NSMF: variants seen among roughly 807,000 people sequenced by gnomAD.
NSMF encodes NMDA receptor synaptonuclear signaling and neuronal migration factor, also known as nasal embryonic LHRH factor.
Under a neutral mutation model 71.0 loss-of-function variants are expected in NSMF, and 31 were observed. The observed-to-expected ratio is 0.44, with a 90% confidence interval of 0.33 to 0.59. The LOEUF (loss-of-function observed/expected upper bound fraction) is 0.59. NSMF is among the 20% of genes least tolerant of loss of function. NSMF has a pLI of 0.04. For synonymous variants in NSMF, 345 were observed against 287.1 expected, an observed-to-expected ratio of 1.20 and a Z score of -2.04; for missense variants, 673 against 740.5, an observed-to-expected ratio of 0.91 and a Z score of 1.06.
intron 14 of NSMF, 50 bp from the exon 15 acceptor site, chr9:137,449,724 G>A: frequency 6.6e-7 from 1 of 1,521,408 alleles, no homozygotes; most frequent in South Asian, 1.1e-5. Context: ...TGGGGAAGGA[G>A]GAGCGGGGAG....
At chr9:137,458,976 C>T (rs1831032392) in intron 1 of NSMF, 56 bp downstream of exon 1, 2 of 1,227,968 alleles carry the variant, frequency 1.6e-6, no homozygotes, top group Non-Finnish European at 2.1e-6. Flanking sequence ...GGGGCGGACT[C>T]GGGCGGGGTC....
rs762284135 is a variant in NSMF at position 137,449,502 on chromosome 9, C to G, written c.1496-11G>C. 6.2e-7 allele frequency: 1 copy of G among 1,612,568 alleles called. No homozygotes were observed. Among genetic ancestry groups the G allele is most frequent in the South Asian group, 1.1e-5 (1 of 91,066 alleles). ...CGATCATCTGCTTCCCTGGGCGGAG[C>G]GGGGGCAGGAGGCTCAGGCCTGGCC... is the stretch of plus-strand genomic sequence containing the variant. On this transcript the variant is annotated splice_polypyrimidine_tract_variant and intron_variant, in intron 15 of 15. Transcript: ENST00000371475.
intron 6 of NSMF, chr9:137,454,932 C>T (rs1400301699): frequency 8.6e-6 from 6 of 696,528 alleles, no homozygotes; most frequent in Admixed American, 2.2e-5. Context: ...CTGCCAAGGC[C>T]CAACATCCAA....
In NSMF at chr9:137,452,591, G is replaced by A; in HGVS notation, c.1132-5C>T. 8 of 1,612,674 alleles carry A rather than the reference G, an allele frequency of 5.0e-6. No homozygotes were observed. The highest frequency in any genetic ancestry group is 6.8e-6 in the Non-Finnish European group (8 of 1,179,950). ...GAAGGTTGCGTGCTCATGGTCCTGG[G>A]GACAGACACAGGCCACAAGGCCACA... is the stretch of plus-strand genomic sequence containing the variant. On this transcript the variant is annotated splice_polypyrimidine_tract_variant and splice_region_variant and intron_variant, in intron 10 of 15. Transcript: ENST00000371475.
chr9:137,453,458 G>A lies in NSMF; in HGVS notation c.922+273C>T. On this transcript the variant is annotated intron_variant, in intron 8 of 15. Transcript: ENST00000371475. This position sits in a 1 kb window ranked among gnomAD's most constrained non-coding sequence, Gnocchi z 4.5. ...CCGCCGGGCGCCTGGGAGGGAGTGG[G>A]GGCGGGCACCGCAGCCCCCTGCCCC... 1.7e-6 allele frequency: 1 copy of A among 602,692 alleles called. No individual in the cohort carries two copies. The highest frequency in any genetic ancestry group is 2.8e-5 in the East Asian group (1 of 35,616). The allele number at this position is 602,692 out of a possible 1,614,324, so 37.3% of individuals were successfully genotyped here.
In NSMF at chr9:137,449,098, G is replaced by A; in HGVS notation, c.*296C>T. 1.8e-6 allele frequency: 1 copy of A among 554,750 alleles called. No homozygotes were observed. Among genetic ancestry groups the A allele is most frequent in the Non-Finnish European group, 3.3e-6 (1 of 306,952 alleles). The allele number at this position is 554,750 out of a possible 1,614,324, so 34.4% of individuals were successfully genotyped here. ...TGCACTTATTTCTATGAACCCCATGGAGGGATGCCCACAGCTGAGCCTCCA... is the reference window on the plus strand; with the variant it reads ...TGCACTTATTTCTATGAACCCCATGAAGGGATGCCCACAGCTGAGCCTCCA... On this transcript the variant is annotated 3_prime_UTR_variant, in exon 16 of 16. Coordinates refer to ENST00000371475, the MANE Select transcript of NSMF (RefSeq NM_001130969.3).
At chr9:137,458,039 G>A in intron 2 of NSMF, 138 bp from the exon 3 acceptor site, 3 of 1,273,076 alleles carry the variant, frequency 2.4e-6, no homozygotes, top group Middle Eastern at 2.6e-4. Flanking sequence ...CCTAGTCACT[G>A]GCGTGTTTCT....
In NSMF at chr9:137,457,447, GCGGCGA is replaced by G. The variant is rs1278236396; in HGVS notation, c.582_587del (p.Arg195_Arg196del). The stretch of plus-strand genomic sequence containing the variant: ...CGCTGTACATCCTCTCCAGCTTCTT[GCGGCGA>G]CCGGAGGTCTCAGGCAGAGGTGGCT... On this transcript the variant is annotated inframe_deletion, in exon 3 of 16. Coordinates refer to ENST00000371475, the MANE Select transcript of NSMF (RefSeq NM_001130969.3). 3 of 1,612,890 alleles carry G rather than the reference GCGGCGA, an allele frequency of 1.9e-6. No individual in the cohort carries two copies. The South Asian group carries it at 3.3e-5, about 18-fold the overall frequency.
chr9:137,456,002 G>C (rs573503743), intron 4 of NSMF, among the ~76,000 whole-genome samples: 1 of 152,392 alleles, frequency 6.6e-6, no homozygotes, highest in East Asian at 1.9e-4. Flanking sequence ...TGTCAAGACA[G>C]AGAGGAGCAG....
rs1830639442 is a variant in NSMF at position 137,453,301 on chromosome 9, G to A, written c.923-121C>T. 6 of 1,440,730 alleles carry A rather than the reference G, an allele frequency of 4.2e-6. No homozygotes were observed. In the East Asian group the frequency reaches 9.7e-5, roughly 23 times the overall value. The allele number at this position is 1,440,730 out of a possible 1,614,324, so 89.2% of individuals were successfully genotyped here. ...GGAGGGTCCTCCAAGCAAGTGGGAG[G>A]ACCATACAGAGGTCGCCGCCAGCCC... is the stretch of plus-strand genomic sequence containing the variant. On this transcript the variant is annotated intron_variant, in intron 8 of 15. Transcript: ENST00000371475. The surrounding 1 kb of genome is among the most constrained non-coding windows in gnomAD (Gnocchi z 4.5).
intron 2 of NSMF, among the ~76,000 whole-genome samples, chr9:137,458,283 C>A (rs978059149): frequency 6.6e-6 from 1 of 152,136 alleles, no homozygotes; most frequent in East Asian, 1.9e-4. Context: ...ACGGCCCAGG[C>A]GGGGTGGGTG....
rs1194207101 is a variant in NSMF at position 137,453,852 on chromosome 9, G to A, written c.833-32C>T. 5.2e-6 allele frequency: 8 copies of A among 1,544,130 alleles called. No homozygotes were observed. Among genetic ancestry groups the A allele is most frequent in the Non-Finnish European group, 7.0e-6 (8 of 1,148,314 alleles). ...AGAGCAAAACCCGCATTAGCGAGCG[G>A]GTGGGGCGGGGCCTCGGGAGTCTCA... On this transcript the variant is annotated intron_variant, in intron 7 of 15. Coordinates refer to ENST00000371475, the MANE Select transcript of NSMF (RefSeq NM_001130969.3). The surrounding 1 kb of genome is among the most constrained non-coding windows in gnomAD (Gnocchi z 4.5).
chr9:137,449,821 G>C (rs572240266), intron 14 of NSMF, 102 bp downstream of exon 14: 3 of 1,330,384 alleles, frequency 2.3e-6, no homozygotes, highest in South Asian at 1.2e-5. Context: ...GGGAATGCCC[G>C]GGGGAAGGAA....
At chr9:137,450,062 C>CA in intron 13 of NSMF, 37 bp from the exon 14 acceptor site, 1 of 1,594,630 alleles carries the variant, frequency 6.3e-7, no homozygotes, top group Non-Finnish European at 8.6e-7. Context: ...TGGCAGGGGA[C>CA]AGGCACCCCA....
rs1039188213 is a variant in NSMF at position 137,459,191 on chromosome 9, C to CGCTCGG, written c.-95_-90dup. 1.0e-5 allele frequency: 10 copies of CGCTCGG among 981,754 alleles called. No homozygotes were observed. The highest frequency in any genetic ancestry group is 1.3e-5 in the Non-Finnish European group (10 of 798,418). The allele number at this position is 981,754 out of a possible 1,614,324, so 60.8% of individuals were successfully genotyped here. A position where few individuals can be genotyped will look rare whatever the true frequency, so the allele number is the denominator to read the frequency against. ...GGTAGCCGCGCCGCACCGGGGGTCGCGCTCGGGCTCGGGCTCGGGGTCTCG... is the reference window on the plus strand; with the variant it reads ...GGTAGCCGCGCCGCACCGGGGGTCGCGCTCGGGCTCGGGCTCGGGCTCGGGGTCTCG... On this transcript the variant is annotated 5_prime_UTR_variant, in exon 1 of 16. Coordinates refer to ENST00000371475, the MANE Select transcript of NSMF (RefSeq NM_001130969.3).
rs778511603 is a variant in NSMF, at chr9:137,457,604, C to T, written c.431G>A (p.Gly144Asp). The stretch of plus-strand genomic sequence containing the variant: ...CCTGCTGACGTCCTCCCGGCTGCCA[C>T]CAGGGCTGGCGCGCAGGGGCTGGCT... ...HHSQPLRASP[G>D]GSREDVSRPC... The change falls in exon 3 of 16, where the codon GGT becomes GAT. Residue 144 changes from glycine to aspartate, a missense_variant. By Grantham distance (94) the Gly-to-Asp change is moderately conservative. Around this residue, in one of 2 missense-constraint regions of NSMF, gnomAD observed 471 missense variants for 459.6 expected, o/e 1.02. Coordinates refer to ENST00000371475, the MANE Select transcript of NSMF (RefSeq NM_001130969.3). The T allele has an allele frequency of 3.2e-6, 5 of 1,554,874 alleles. No homozygotes were observed. Among genetic ancestry groups the T allele is most frequent in the East Asian group, 2.4e-5 (1 of 41,138 alleles).
At position 137,452,586 on chromosome 9, in the gene NSMF, C is replaced by T; in HGVS notation, c.1132G>A (p.Asp378Asn). The change falls in exon 11 of 16, where the codon GAC (aspartate) becomes AAC (asparagine). Residue 378 changes from aspartate to asparagine, a missense_variant and splice_region_variant. Transcript: ENST00000371475. ...DDPSIIPILY[D>N]HEHATFEDIL... ...TCCTCGAAGGTTGCGTGCTCATGGT[C>T]CTGGGGACAGACACAGGCCACAAGG... 1 of 1,612,668 alleles carries T rather than the reference C, an allele frequency of 6.2e-7. No individual in the cohort carries two copies. Among genetic ancestry groups the T allele is most frequent in the Non-Finnish European group, 8.5e-7 (1 of 1,179,952 alleles).
Position 137,452,904 on chromosome 9 carries a change from G to T in NSMF, c.1048-85C>A. ...GGAGCCCCCATGAGGCTACCTTCTG[G>T]CTGCCAGGCAGCCCAAGGGTATAGC... On this transcript the variant is annotated intron_variant, in intron 9 of 15. Coordinates refer to ENST00000371475, the MANE Select transcript of NSMF (RefSeq NM_001130969.3). 3.9e-6 allele frequency: 6 copies of T among 1,551,606 alleles called. 1 individual carries two copies. In the South Asian group the frequency reaches 6.8e-5, roughly 18 times the overall value.
chr9:137,454,013 G>A (rs547866907), intron 7 of NSMF, among the ~76,000 whole-genome samples, 193 bp from the exon 8 acceptor site: 1 of 151,834 alleles, frequency 6.6e-6, no homozygotes, highest in Non-Finnish European at 1.5e-5. Flanking sequence ...CTGGGGCAGG[G>A]CCAGAGGCGG....
Sources: allele counts gnomAD v4.1 joint callset (sites outside exome capture counted in the v4.1 genomes callset), GRCh38; gene constraint gnomAD v4.1.1; regional missense constraint gnomAD v4.1.1; non-coding constraint Gnocchi (gnomAD v3.1); transcripts MANE v1.5; gene names NCBI Gene and HGNC (gene_info 2026-07-23, HGNC 2026-07-21).